The following CDH12 variants were observed in gnomAD, a reference collection of about 807,000 sequenced individuals.
The protein encoded by CDH12 is cadherin-12.
Under a neutral mutation model 74.1 loss-of-function variants are expected in CDH12, and 41 were observed. That is an observed-to-expected ratio of 0.55 (90% CI 0.43 to 0.72). CDH12 has a LOEUF of 0.72. Among genes scored for constraint, CDH12 ranks in the 30% least tolerant of loss-of-function variants. The pLI is 0.00. For synonymous variants in CDH12, 399 were observed against 355.0 expected (o/e 1.12, Z -1.39); for missense variants, 945 against 977.2 (o/e 0.97, Z 0.44).
At chr5:22,620,159 C>CAAGTCACAAATA in intron 1 of CDH12, among the ~76,000 whole-genome samples, 1 of 152,096 alleles carries the variant, frequency 6.6e-6, no homozygotes, top group Non-Finnish European at 1.5e-5. Context: ...TGTCAGAATG[C>CAAGTCACAAATA]AAGTCACAAA....
chr5:22,759,700 G>T (rs2127052781), intron 1 of CDH12, among the ~76,000 whole-genome samples: 1 of 152,304 alleles, frequency 6.6e-6, no homozygotes, highest in Non-Finnish European at 1.5e-5. Context: ...GATTAAGACT[G>T]TCATGATGGT....
intron 2 of CDH12, among the ~76,000 whole-genome samples, chr5:22,502,229 G>A (rs941124415): frequency 3.3e-5 from 5 of 152,060 alleles, no homozygotes; most frequent in African/African-American, 1.2e-4. Context: ...TTCCCATGCT[G>A]TTGTTATGAT....
At chr5:22,684,019 T>C (rs151214705) in intron 1 of CDH12, among the ~76,000 whole-genome samples, 1 of 152,340 alleles carries the variant, frequency 6.6e-6, no homozygotes, top group African/African-American at 2.4e-5. Flanking sequence ...TTAAGGACAA[T>C]GTTACAGACC....
chr5:22,307,122 C>T (rs1000315618), intron 3 of CDH12, among the ~76,000 whole-genome samples: 1 of 152,128 alleles, frequency 6.6e-6, no homozygotes, highest in East Asian at 1.9e-4. Context: ...GAAACTCTCA[C>T]AGCTCACCTC....
At chr5:22,325,176 G>A (rs1162386337) in intron 3 of CDH12, among the ~76,000 whole-genome samples, 3 of 152,140 alleles carry the variant, frequency 2.0e-5, no homozygotes, top group Non-Finnish European at 4.4e-5. Flanking sequence ...TCCCCAAATT[G>A]TTCTTTTACT....
Position 21,929,798 on chromosome 5 carries a change from C to T in CDH12, c.526+45293G>A, listed in dbSNP as rs551435119. On this transcript the variant is annotated intron_variant, in intron 6 of 14. Transcript: ENST00000382254. Reference sequence around the variant, plus strand: ...CCATCCAAAGTGCTGGGATTACAGGCATGAGCCACAGTGTCCAGCAATAAG... The same window carrying T: ...CCATCCAAAGTGCTGGGATTACAGGTATGAGCCACAGTGTCCAGCAATAAG... Among the ~76,000 whole-genome samples, 79 of 152,244 alleles carry T rather than the reference C, an allele frequency of 5.2e-4. 4 individuals are homozygous for T. The South Asian group carries it at 8.9e-3, about 17-fold the overall frequency.
chr5:21,773,887 T>C (rs138686821), intron 11 of CDH12, among the ~76,000 whole-genome samples: 106 of 152,310 alleles, frequency 7.0e-4, no homozygotes, highest in Non-Finnish European at 8.4e-4. Flanking sequence ...TAACTTTATA[T>C]AATAGCATTT....
At chr5:22,052,407 G>A (rs770767925) in intron 5 of CDH12, among the ~76,000 whole-genome samples, 24 of 151,814 alleles carry the variant, frequency 1.6e-4, no homozygotes, top group Non-Finnish European at 2.2e-4. Flanking sequence ...CTCGGGAATC[G>A]TTCACCTATG....
At chr5:22,775,169 A>G (rs1747027020) in intron 1 of CDH12, among the ~76,000 whole-genome samples, 3 of 152,062 alleles carry the variant, frequency 2.0e-5, no homozygotes, top group Admixed American at 1.3e-4. Flanking sequence ...GTTTTTCTCA[A>G]CGTAAGTGAA....
At chr5:22,642,089 A>C (rs1194373489) in intron 1 of CDH12, among the ~76,000 whole-genome samples, 1 of 152,246 alleles carries the variant, frequency 6.6e-6, no homozygotes, top group Non-Finnish European at 1.5e-5. Flanking sequence ...AGCACTTAGG[A>C]ATATACATCA....
rs543994891 is a variant in CDH12, at chr5:22,195,844, G to A, written c.-187+16654C>T. The stretch of plus-strand genomic sequence containing the variant: ...GCTCAATATGAGGGAATAAAAGCCT[G>A]GTGTGAAAAACTCTTTTTTCCTAGG... On this transcript the variant is annotated intron_variant, in intron 4 of 14. Coordinates refer to ENST00000382254, the MANE Select transcript of CDH12 (RefSeq NM_004061.5). 3.8e-4 allele frequency among the ~76,000 whole-genome samples: 58 copies of A among 152,096 alleles called. No individual in the cohort carries two copies. The South Asian group carries it at 9.1e-3, about 24-fold the overall frequency.
chr5:22,622,019 A>T (rs1738000116), intron 1 of CDH12, among the ~76,000 whole-genome samples: 1 of 152,148 alleles, frequency 6.6e-6, no homozygotes, highest in Non-Finnish European at 1.5e-5. Flanking sequence ...TTTAAAAATA[A>T]AAATTGATAC....
intron 1 of CDH12, among the ~76,000 whole-genome samples, chr5:22,785,149 T>C (rs1476762930): frequency 6.6e-6 from 1 of 152,168 alleles, no homozygotes. Flanking sequence ...TCCTCTTACC[T>C]TTCCTGATGC....
intron 7 of CDH12, among the ~76,000 whole-genome samples, chr5:21,844,123 C>A (rs1270838301): frequency 1.3e-5 from 2 of 152,008 alleles, no homozygotes; most frequent in Admixed American, 1.3e-4. Context: ...AAATAAAAAG[C>A]TATAAACTGG....
chr5:22,098,177 C>A (rs1743912456), intron 4 of CDH12, among the ~76,000 whole-genome samples: 1 of 152,136 alleles, frequency 6.6e-6, no homozygotes. Context: ...TCAGGCTCAG[C>A]AAATTACCTG....
At chr5:21,808,878 A>G (rs1747585749) in intron 9 of CDH12, among the ~76,000 whole-genome samples, 1 of 152,140 alleles carries the variant, frequency 6.6e-6, no homozygotes, top group African/African-American at 2.4e-5. Context: ...TGTCCCTGTA[A>G]CAAAGGGAAA....
intron 6 of CDH12, among the ~76,000 whole-genome samples, chr5:21,863,251 G>A (rs1350198394): frequency 6.6e-6 from 1 of 151,552 alleles, no homozygotes; most frequent in South Asian, 2.1e-4. Flanking sequence ...ATGCCTCTGC[G>A]GTCTTGAATA....
intron 1 of CDH12, among the ~76,000 whole-genome samples, chr5:22,519,991 AT>A (rs1297738304): frequency 6.6e-6 from 1 of 152,178 alleles, no homozygotes; most frequent in African/African-American, 2.4e-5. Context: ...TTTAAGAGAT[AT>A]AAAAATGTTT....
intron 1 of CDH12, among the ~76,000 whole-genome samples, chr5:22,688,903 T>C (rs1488792987): frequency 3.3e-5 from 5 of 152,124 alleles, no homozygotes; most frequent in Non-Finnish European, 7.4e-5. Flanking sequence ...TTTTGAATGA[T>C]AGCAAAATGG....
Sources: allele counts gnomAD v4.1 joint callset (sites outside exome capture counted in the v4.1 genomes callset), GRCh38; gene constraint gnomAD v4.1.1; transcripts MANE v1.5; gene names NCBI Gene and HGNC (gene_info 2026-07-23, HGNC 2026-07-21).